Variants in ANKRD12 observed in about 807,000 individuals in gnomAD.
The protein encoded by ANKRD12 is ankyrin repeat domain 12.
In ANKRD12, 85 loss-of-function variants were observed where a neutral mutation model predicts 183.4. The observed-to-expected ratio is 0.46, with a 90% CI of 0.39 to 0.56. The LOEUF (loss-of-function observed/expected upper bound fraction) is 0.56. ANKRD12 is among the 20% of genes least tolerant of loss of function. The pLI is 0.00. For missense variants in ANKRD12, 2,405 were observed against 2,357.1 expected (o/e 1.02, Z -0.42); for synonymous variants, 914 against 800.2 (o/e 1.14, Z -2.40).
chr18:9,274,114 C>T lies in ANKRD12; in HGVS notation c.5764-1410C>T, dbSNP rs536814700. On this transcript the variant is annotated intron_variant, in intron 10 of 12. Transcript: ENST00000262126. ...TCACTGGTCACAAGAATGTTTCTTT[C>T]CTCCTGGTTTCAGGAGAGCATCTTT... Among the ~76,000 whole-genome samples, 5 of 152,354 alleles carry T rather than the reference C, an allele frequency of 3.3e-5. No homozygotes were observed. The South Asian group carries it at 1.0e-3, about 32-fold the overall frequency.
chr18:9,257,714 G>A lies in ANKRD12; in HGVS notation c.4447G>A (p.Ala1483Thr). ...AGGAAACTCTTGTGCTCAGGATCCG[G>A]CATCCTTTATGCCTCCACAGCAGCC... ...LPGNSCAQDP[A>T]SFMPPQQPCS... The change falls in exon 9 of 13, where the codon GCA becomes ACA. Residue 1483 changes from alanine to threonine, a missense_variant. Physicochemically the swap from Ala to Thr is moderately conservative, Grantham distance 58. Coordinates refer to ENST00000262126, the MANE Select transcript of ANKRD12 (RefSeq NM_015208.5). 1 of 1,613,998 alleles carries A rather than the reference G, an allele frequency of 6.2e-7. No homozygotes were observed. Among genetic ancestry groups the A allele is most frequent in the Non-Finnish European group, 8.5e-7 (1 of 1,179,962 alleles).
intron 1 of ANKRD12, among the ~76,000 whole-genome samples, chr18:9,159,037 T>C (rs1409908846): frequency 3.3e-5 from 5 of 152,224 alleles, no homozygotes; most frequent in African/African-American, 4.8e-5. Flanking sequence ...TGTATACTTA[T>C]TGAGTACTTC....
Position 9,255,779 on chromosome 18 carries a change from A to G in ANKRD12, c.2512A>G (p.Arg838Gly). 1 of 1,577,568 alleles carries G rather than the reference A, an allele frequency of 6.3e-7. No homozygotes were observed. The highest frequency in any genetic ancestry group is 1.2e-5 in the South Asian group (1 of 83,174). Residue 838 changes from arginine to glycine, a missense_variant, in exon 9 of 13, where the codon AGA (arginine) becomes GGA (glycine). Arg to Gly is a moderately radical substitution (Grantham distance 125). Around this residue, in one of 7 missense-constraint regions of ANKRD12, gnomAD observed 1,983 missense variants for 1,725.9 expected, o/e 1.15. Coordinates refer to ENST00000262126, the MANE Select transcript of ANKRD12 (RefSeq NM_015208.5). ...IKEKDIEKME[R>G]KTFEKEKKIK... ...AGAAAAGGACATTGAGAAGATGGAA[A>G]GAAAAACCTTTGAAAAAGAAAAGAA... is the stretch of plus-strand genomic sequence containing the variant.
chr18:9,172,090 C>A (rs1052650663), intron 1 of ANKRD12, among the ~76,000 whole-genome samples: 2 of 150,758 alleles, frequency 1.3e-5, no homozygotes, highest in Admixed American at 1.3e-4. Context: ...AGGGTTTCCA[C>A]TGAGAGGTCT....
intron 8 of ANKRD12, among the ~76,000 whole-genome samples, chr18:9,250,510 G>A (rs1052572911): frequency 6.6e-6 from 1 of 152,102 alleles, no homozygotes; most frequent in Non-Finnish European, 1.5e-5. Context: ...CTTGAGGCCA[G>A]GAATTCGAGA....
In ANKRD12 at chr18:9,284,049, T is replaced by C. The variant is rs2040174407; in HGVS notation, c.*2923T>C. 6.6e-6 allele frequency: 1 copy of C among 152,222 alleles called. No homozygotes were observed. Among genetic ancestry groups the C allele is most frequent in the Admixed American group, 6.5e-5 (1 of 15,290 alleles). The allele number at this position is 152,222 out of a possible 1,614,324, so 9.4% of individuals were successfully genotyped here. On this transcript the variant is annotated 3_prime_UTR_variant, in exon 13 of 13. Transcript: ENST00000262126. ...GCATATAAAAGTTTTGTTTATACTA[T>C]ATTAAGTGTGCAATAGCATTATGTC...
chr18:9,177,669 C>T (rs1208096752), intron 1 of ANKRD12, among the ~76,000 whole-genome samples: 2 of 152,122 alleles, frequency 1.3e-5, no homozygotes, highest in Non-Finnish European at 2.9e-5. Context: ...TGCTGTCAAA[C>T]ATTAGAACTT....
At chr18:9,139,841 C>A (rs544905974) in intron 1 of ANKRD12, among the ~76,000 whole-genome samples, 1 of 152,284 alleles carries the variant, frequency 6.6e-6, no homozygotes, top group Admixed American at 6.5e-5. Flanking sequence ...TTTATTTTTA[C>A]ACATGAGAAA....
intron 8 of ANKRD12, among the ~76,000 whole-genome samples, chr18:9,240,431 T>A (rs766752709): frequency 6.6e-6 from 1 of 152,208 alleles, no homozygotes; most frequent in Non-Finnish European, 1.5e-5. Flanking sequence ...CTCAGTCATA[T>A]TCAGAAAACC....
intron 10 of ANKRD12, among the ~76,000 whole-genome samples, chr18:9,267,267 G>A (rs867861656): frequency 3.9e-5 from 6 of 151,938 alleles, no homozygotes; most frequent in South Asian, 4.2e-4. Flanking sequence ...TGCACCAAGC[G>A]GACCTCATAG....
chr18:9,260,407 G>C (rs890339426), intron 9 of ANKRD12: 1 of 152,138 alleles, frequency 6.6e-6, no homozygotes, highest in Non-Finnish European at 1.5e-5. Context: ...GAGTCAGTTT[G>C]TTTTTCCTTC....
At chr18:9,183,739 C>T (rs966555326) in intron 2 of ANKRD12, among the ~76,000 whole-genome samples, 1 of 151,926 alleles carries the variant, frequency 6.6e-6, no homozygotes, top group Non-Finnish European at 1.5e-5. Flanking sequence ...CCCCTTTTTT[C>T]CCCGATTACA....
intron 5 of ANKRD12, 114 bp from the exon 6 acceptor site, chr18:9,211,470 G>A (rs1473430741): frequency 1.1e-6 from 1 of 912,044 alleles, no homozygotes; most frequent in Non-Finnish European, 1.7e-6. Flanking sequence ...GGTTGTTAGG[G>A]TGAGAAGGCA....
rs1283653589 is a variant in ANKRD12 at position 9,195,555 on chromosome 18, A to G, written c.92A>G (p.Lys31Arg). 3.1e-6 allele frequency: 5 copies of G among 1,599,870 alleles called. No individual in the cohort carries two copies. The highest frequency in any genetic ancestry group is 4.3e-6 in the Non-Finnish European group (5 of 1,172,460). Reference protein sequence around the residue: ...MVEKPYGRKSKDKIASYSKTP... With the variant: ...MVEKPYGRKSRDKIASYSKTP... ...CTCTATTTGACTTTTTAATAGAGTA[A>G]AGACAAGATTGCATCCTACAGCAAA... The change falls in exon 3 of 13, where the codon AAA becomes AGA. Residue 31 changes from lysine (K) to arginine (R), a missense_variant. By Grantham distance (26) the Lys-to-Arg change is conservative (BLOSUM62 2). Coordinates refer to ENST00000262126, the MANE Select transcript of ANKRD12 (RefSeq NM_015208.5).
At chr18:9,185,320 A>G (rs2033973089) in intron 2 of ANKRD12, among the ~76,000 whole-genome samples, 1 of 152,218 alleles carries the variant, frequency 6.6e-6, no homozygotes, top group Non-Finnish European at 1.5e-5. Context: ...AGTAGGAGGC[A>G]GTGTGGGCAG....
intron 1 of ANKRD12, among the ~76,000 whole-genome samples, chr18:9,177,476 G>A (rs1229289533): frequency 6.6e-6 from 1 of 152,006 alleles, no homozygotes; most frequent in Non-Finnish European, 1.5e-5. Context: ...ATATTTAGGG[G>A]ATACATCTGA....
intron 1 of ANKRD12, chr18:9,137,960 C>T (rs1342295236): frequency 6.6e-6 from 1 of 152,180 alleles, no homozygotes; most frequent in African/African-American, 2.4e-5. Context: ...TCGTTGAAAC[C>T]TTAGGAAACA....
At chr18:9,173,946 C>A (rs904295855) in intron 1 of ANKRD12, among the ~76,000 whole-genome samples, 9 of 152,234 alleles carry the variant, frequency 5.9e-5, no homozygotes, top group African/African-American at 1.4e-4. Flanking sequence ...CACTCCTCCC[C>A]CTAGGGGCTT....
At position 9,173,616 on chromosome 18, in the gene ANKRD12, T is replaced by TGGGG. The variant is rs1295840570; in HGVS notation, c.-51-8759_-51-8756dup. On this transcript the variant is annotated intron_variant, in intron 1 of 12. Transcript: ENST00000262126. ...TGGGAGCTCCATCCCGGTGGGGTGG[T>TGGGG]GGGGGGGGGGTAGGGGGGGCAGTAC... 5.1e-3 allele frequency among the ~76,000 whole-genome samples: 141 copies of TGGGG among 27,834 alleles called. 1 individual carries two copies. Among genetic ancestry groups the TGGGG allele is most frequent in the African/African-American group, 0.015 (132 of 9,046 alleles). The allele number at this position is 27,834 out of a possible 152,430, so 18.3% of individuals were successfully genotyped here.
Sources: gnomAD v4.1 joint callset for allele counts (sites outside exome capture counted in the v4.1 genomes callset) on GRCh38, gnomAD v4.1.1 for gene constraint, gnomAD v4.1.1 regional missense constraint, MANE v1.5 for transcripts, NCBI Gene and HGNC (gene_info 2026-07-23, HGNC 2026-07-21) for gene names.